The following KLF8 variants were observed in gnomAD, a reference collection of about 807,000 sequenced individuals.
KLF8 encodes KLF transcription factor 8.
A neutral mutation model predicts 18.2 loss-of-function variants in KLF8; 10 were observed. That is an observed-to-expected ratio of 0.55 (90% CI 0.34 to 0.93). The LOEUF is 0.93. KLF8 is among the 40% of genes least tolerant of loss of function. The pLI, the probability that KLF8 is intolerant of heterozygous loss-of-function variation, is 0.02. For synonymous variants in KLF8, 109 were observed against 97.3 expected (o/e 1.12, Z -0.71); for missense variants, 264 against 277.9 (o/e 0.95, Z 0.36).
the KLF8 span, among the ~76,000 whole-genome samples, chrX:56,208,999 G>A: frequency 8.9e-6 from 1 of 111,861 alleles, no homozygotes; most frequent in East Asian, 2.8e-4. Flanking sequence ...TGCAGATTAA[G>A]TCTGCTGTTT....
At chrX:55,919,097 C>T in the KLF8 span, among the ~76,000 whole-genome samples, 32 of 112,013 alleles carry the variant, frequency 2.9e-4, no homozygotes, top group Non-Finnish European at 5.8e-4. Flanking sequence ...AGTCCCAAAA[C>T]TCATCTTCTA....
chrX:56,188,773 A>C, the KLF8 span, among the ~76,000 whole-genome samples: 1 of 112,129 alleles, frequency 8.9e-6, no homozygotes. Context: ...ATGGGGAAAG[A>C]ATTCCGTATT....
At chrX:56,058,302 A>G in the KLF8 span, among the ~76,000 whole-genome samples, 20 of 66,475 alleles carry the variant, frequency 3.0e-4, no homozygotes, top group African/African-American at 9.9e-4. Flanking sequence ...ATATATATAT[A>G]TATATATATA....
the KLF8 span, among the ~76,000 whole-genome samples, chrX:56,038,338 G>A: frequency 4.5e-5 from 5 of 111,631 alleles, no homozygotes; most frequent in Non-Finnish European, 9.4e-5. Context: ...ATTAAGCCCA[G>A]CATCCATTAG....
chrX:56,113,598 TA>T, the KLF8 span, among the ~76,000 whole-genome samples: 1 of 65,247 alleles, frequency 1.5e-5, no homozygotes, highest in Non-Finnish European at 2.9e-5. Flanking sequence ...ACAAAAAAAT[TA>T]AAAAGGAGAA....
At chrX:56,054,694 T>A in the KLF8 span, among the ~76,000 whole-genome samples, 2 of 111,577 alleles carry the variant, frequency 1.8e-5, no homozygotes, top group Non-Finnish European at 3.8e-5. Context: ...TGTGTTGAAG[T>A]CTCCCACTCT....
At chrX:56,250,634 A>G (rs1011724747) in intron 2 of KLF8, among the ~76,000 whole-genome samples, 1 of 112,059 alleles carries the variant, frequency 8.9e-6, no homozygotes, top group Admixed American at 9.5e-5. Context: ...TTTAATCTTC[A>G]CCATAATCCT....
the KLF8 span, among the ~76,000 whole-genome samples, chrX:55,979,017 C>T: frequency 9.0e-6 from 1 of 110,857 alleles, no homozygotes; most frequent in African/African-American, 3.3e-5. Flanking sequence ...ATAACCAAGA[C>T]AAAGAGTAAT....
chrX:56,213,269 T>A, the KLF8 span, among the ~76,000 whole-genome samples: 2 of 98,639 alleles, frequency 2.0e-5, no homozygotes, highest in African/African-American at 8.7e-5. Flanking sequence ...GACCTATTTC[T>A]TTTTCTTTTG....
At chrX:56,136,799 C>G in the KLF8 span, among the ~76,000 whole-genome samples, 1 of 110,291 alleles carries the variant, frequency 9.1e-6, no homozygotes, top group Admixed American at 9.7e-5. Flanking sequence ...AAAGAAACTA[C>G]CATCAGAGTG....
chrX:56,049,718 C>G, the KLF8 span, among the ~76,000 whole-genome samples: 50 of 108,654 alleles, frequency 4.6e-4, no homozygotes, highest in Admixed American at 9.9e-5. Context: ...GGATATTGGT[C>G]TAAAATTCTC....
At chrX:56,075,487 C>T in the KLF8 span, among the ~76,000 whole-genome samples, 1 of 111,625 alleles carries the variant, frequency 9.0e-6, no homozygotes, top group Non-Finnish European at 1.9e-5. Flanking sequence ...GATACTCATC[C>T]ACTCAAGAAT....
the KLF8 span, among the ~76,000 whole-genome samples, chrX:56,101,862 T>C: frequency 1.8e-5 from 2 of 111,960 alleles, no homozygotes; most frequent in East Asian, 2.8e-4. Context: ...CTTTGTCAGA[T>C]GCATAGTTTG....
chrX:55,972,766 A>G, the KLF8 span, among the ~76,000 whole-genome samples: 2 of 112,173 alleles, frequency 1.8e-5, no homozygotes, highest in South Asian at 7.3e-4. Flanking sequence ...GGAAAAATCT[A>G]TATTGTTAAA....
At chrX:55,931,418 G>A in the KLF8 span, among the ~76,000 whole-genome samples, 1 of 111,048 alleles carries the variant, frequency 9.0e-6, no homozygotes, top group Non-Finnish European at 1.9e-5. Context: ...TCCAGCTTTT[G>A]TATTTGTTTG....
chrX:56,072,900 A>T, the KLF8 span, among the ~76,000 whole-genome samples: 1 of 111,139 alleles, frequency 9.0e-6, no homozygotes, highest in Non-Finnish European at 1.9e-5. Context: ...CTACTTTCTG[A>T]TTCTATGAAT....
the KLF8 span, among the ~76,000 whole-genome samples, chrX:56,130,126 G>C: frequency 2.8e-3 from 306 of 110,726 alleles, no homozygotes; most frequent in African/African-American, 9.8e-3. Flanking sequence ...CCCACCTCCT[G>C]ATTCTCCTGA....
chrX:56,078,906 C>G, the KLF8 span, among the ~76,000 whole-genome samples: 6 of 111,318 alleles, frequency 5.4e-5, no homozygotes, highest in African/African-American at 2.0e-4. Flanking sequence ...TCCATTTCTT[C>G]TAGATTTTCT....
the KLF8 span, among the ~76,000 whole-genome samples, chrX:56,120,427 G>A: frequency 1.8e-5 from 2 of 112,212 alleles, no homozygotes; most frequent in African/African-American, 6.5e-5. Flanking sequence ...TCTCCCTTAA[G>A]GAAGAGACCA....
Sources: allele counts gnomAD v4.1 joint callset (sites outside exome capture counted in the v4.1 genomes callset), GRCh38; gene constraint gnomAD v4.1.1; transcripts MANE v1.5; gene names NCBI Gene and HGNC (gene_info 2026-07-23, HGNC 2026-07-21).